Variants in MAML3 observed in about 807,000 individuals in gnomAD.
The protein encoded by MAML3 is mastermind-like protein 3.
In MAML3, 27 loss-of-function variants were observed where a neutral mutation model predicts 101.9. That is an observed-to-expected ratio of 0.27 (90% confidence interval 0.20 to 0.37). The LOEUF (loss-of-function observed/expected upper bound fraction) is 0.37. MAML3 is among the 10% of genes least tolerant of loss of function. The pLI is 1.00. For missense variants in MAML3, 1,316 were observed against 1,444.9 expected (o/e 0.91, Z 1.45); for synonymous variants, 501 against 555.9 (o/e 0.90, Z 1.39).
chr4:139,813,493 A>G (rs1730839109), intron 2 of MAML3, among the ~76,000 whole-genome samples: 1 of 152,206 alleles, frequency 6.6e-6, no homozygotes, highest in African/African-American at 2.4e-5. Flanking sequence ...GCAAGAAGAA[A>G]ATGCATGAAG....
At chr4:139,826,253 C>T (rs1578619231) in intron 2 of MAML3, among the ~76,000 whole-genome samples, 3 of 152,026 alleles carry the variant, frequency 2.0e-5, no homozygotes, top group Non-Finnish European at 2.9e-5. Flanking sequence ...CCCTGGAAAG[C>T]GGACATGGGC....
chr4:139,899,054 C>G (rs143479545), intron 1 of MAML3, among the ~76,000 whole-genome samples: 5 of 152,204 alleles, frequency 3.3e-5, no homozygotes, highest in Non-Finnish European at 5.9e-5. Flanking sequence ...CAGATTGGGA[C>G]ACAAGGTGGG....
intron 1 of MAML3, among the ~76,000 whole-genome samples, chr4:139,968,756 C>A (rs927135067): frequency 4.6e-5 from 7 of 152,118 alleles, no homozygotes; most frequent in African/African-American, 1.7e-4. Flanking sequence ...TAACTACCAT[C>A]TCTCAGTAAG....
chr4:139,947,340 C>T (rs1733749403), intron 1 of MAML3, among the ~76,000 whole-genome samples: 1 of 152,150 alleles, frequency 6.6e-6, no homozygotes, highest in South Asian at 2.1e-4. Flanking sequence ...CAGCCCAATT[C>T]CTAAGTCTTA....
intron 2 of MAML3, among the ~76,000 whole-genome samples, chr4:139,885,466 T>A (rs1732308956): frequency 6.6e-6 from 1 of 152,088 alleles, no homozygotes; most frequent in Non-Finnish European, 1.5e-5. Context: ...CCTGACTTGA[T>A]CATTACATAT....
intron 2 of MAML3, among the ~76,000 whole-genome samples, chr4:139,762,741 C>CCTGG (rs1729781784): frequency 6.6e-6 from 1 of 152,102 alleles, no homozygotes; most frequent in Admixed American, 6.5e-5. Context: ...CCCCGTGAAC[C>CCTGG]CTGGATAAAA....
At chr4:139,859,825 A>G (rs1241227379) in intron 2 of MAML3, among the ~76,000 whole-genome samples, 1 of 152,236 alleles carries the variant, frequency 6.6e-6, no homozygotes, top group Non-Finnish European at 1.5e-5. Flanking sequence ...CTCTTAAATA[A>G]TGTGTTAGCT....
At chr4:139,956,740 G>GT (rs1733924037) in intron 1 of MAML3, among the ~76,000 whole-genome samples, 1 of 152,134 alleles carries the variant, frequency 6.6e-6, no homozygotes, top group South Asian at 2.1e-4. Flanking sequence ...AGAGAAAACA[G>GT]ATTTCTCCAC....
intron 1 of MAML3, among the ~76,000 whole-genome samples, chr4:140,055,127 C>T (rs1456587971): frequency 6.6e-6 from 1 of 152,138 alleles, no homozygotes; most frequent in Non-Finnish European, 1.5e-5. Context: ...CCTTCTCACT[C>T]AAGAATCTCT....
intron 1 of MAML3, among the ~76,000 whole-genome samples, chr4:139,949,707 C>T (rs1733801056): frequency 6.6e-6 from 1 of 152,184 alleles, no homozygotes; most frequent in Non-Finnish European, 1.5e-5. Flanking sequence ...AGATTGTTAA[C>T]TGCTTGACAT....
intron 1 of MAML3, among the ~76,000 whole-genome samples, chr4:139,918,863 C>CT (rs1173871625): frequency 2.0e-5 from 3 of 152,106 alleles, no homozygotes; most frequent in African/African-American, 7.2e-5. Context: ...TTAATGCTCC[C>CT]TCTGTTTACC....
At chr4:139,878,613 G>C (rs934967996) in intron 2 of MAML3, among the ~76,000 whole-genome samples, 7 of 152,134 alleles carry the variant, frequency 4.6e-5, no homozygotes, top group African/African-American at 1.7e-4. Flanking sequence ...AGGGGCCTAG[G>C]GTGTAGCAGA....
At chr4:139,985,552 C>T (rs938933843) in intron 1 of MAML3, among the ~76,000 whole-genome samples, 2 of 152,222 alleles carry the variant, frequency 1.3e-5, no homozygotes, top group African/African-American at 4.8e-5. Flanking sequence ...AACAGTGAAA[C>T]TTGCCCAACT....
At chr4:139,826,552 G>C (rs1731064118) in intron 2 of MAML3, among the ~76,000 whole-genome samples, 1 of 152,160 alleles carries the variant, frequency 6.6e-6, no homozygotes, top group African/African-American at 2.4e-5. Context: ...ACAATCAATT[G>C]CTGAGGAATT....
chr4:139,766,286 C>T (rs1198502998), intron 2 of MAML3, among the ~76,000 whole-genome samples: 2 of 152,134 alleles, frequency 1.3e-5, no homozygotes, highest in African/African-American at 4.8e-5. Flanking sequence ...ATTCTCCTGC[C>T]TCAGCCTCCT....
chr4:139,949,217 A>T (rs1265737004), intron 1 of MAML3, among the ~76,000 whole-genome samples: 7 of 152,098 alleles, frequency 4.6e-5, no homozygotes, highest in African/African-American at 1.7e-4. Flanking sequence ...GGGTTTCACC[A>T]TGTTGTCCAG....
At chr4:140,104,304 T>A (rs1728298943) in intron 1 of MAML3, among the ~76,000 whole-genome samples, 1 of 126,826 alleles carries the variant, frequency 7.9e-6, no homozygotes, top group Non-Finnish European at 1.6e-5. Context: ...AGGATTGCCT[T>A]AGCTCAGGAG....
chr4:139,906,875 AT>A (rs146366681), intron 1 of MAML3, among the ~76,000 whole-genome samples: 36 of 149,410 alleles, frequency 2.4e-4, no homozygotes, highest in African/African-American at 5.7e-4. Context: ...TTCAGAAGCA[AT>A]TTTTTTTTTT....
At chr4:139,925,898 C>T (rs1043321401) in intron 1 of MAML3, among the ~76,000 whole-genome samples, 1 of 152,044 alleles carries the variant, frequency 6.6e-6, no homozygotes, top group Admixed American at 6.6e-5. Context: ...GACTGAAAAT[C>T]GTGAGCAATC....
Sources: gnomAD v4.1 joint callset for allele counts (sites outside exome capture counted in the v4.1 genomes callset) on GRCh38, gnomAD v4.1.1 for gene constraint, MANE v1.5 for transcripts, NCBI Gene and HGNC (gene_info 2026-07-23, HGNC 2026-07-21) for gene names.